AKAP7: variants seen among roughly 807,000 people sequenced by gnomAD.
The protein encoded by AKAP7 is A kinase (PRKA) anchor protein 7.
Under a neutral mutation model 39.5 loss-of-function variants are expected in AKAP7, and 39 were observed. The observed-to-expected ratio is 0.99, with a 90% CI of 0.76 to 1.29. The LOEUF is 1.29. Ranked by LOEUF, AKAP7 falls within the 50% of genes most tolerant of loss-of-function variation. AKAP7 has a pLI of 0.00. For synonymous variants in AKAP7, 140 were observed against 139.1 expected, an observed-to-expected ratio of 1.01 and a Z score of -0.05; for missense variants, 414 against 407.7, an observed-to-expected ratio of 1.02 and a Z score of -0.13.
At chr6:131,145,260 T>G in intron 1 of AKAP7, 25 bp from the exon 2 acceptor site, 1 of 1,360,274 alleles carries the variant, frequency 7.4e-7, no homozygotes, top group Non-Finnish European at 9.7e-7. Flanking sequence ...ATAATCCTTT[T>G]TTTTCTGTTT....
chr6:131,187,048 G>T (rs546072295), intron 5 of AKAP7, among the ~76,000 whole-genome samples: 1 of 152,274 alleles, frequency 6.6e-6, no homozygotes, highest in South Asian at 2.1e-4. Context: ...GAAATCAGAA[G>T]TGTAAAATCT....
chr6:131,255,915 A>G (rs1812806849), intron 7 of AKAP7, among the ~76,000 whole-genome samples: 1 of 152,030 alleles, frequency 6.6e-6, no homozygotes. Flanking sequence ...CTCTTAATTT[A>G]TTTAATGTTT....
Position 131,219,699 on chromosome 6 carries a change from T to C in AKAP7, c.741T>C (p.Phe247=). ...KKIDPDLYEK[F]ISHRFGEEIL... ...TAGATCCTGATTTATATGAAAAGTT[T>C]ATCAGTCACAGATTTGGAGAAGAAA... Residue 247 remains phenylalanine, a synonymous_variant, in exon 7 of 8, where the codon TTT becomes TTC. Transcript: ENST00000431975. The C allele has an allele frequency of 5.6e-6, 9 of 1,596,140 alleles. No individual in the cohort carries two copies. Among genetic ancestry groups the C allele is most frequent in the Non-Finnish European group, 7.7e-6 (9 of 1,172,078 alleles).
intron 5 of AKAP7, among the ~76,000 whole-genome samples, chr6:131,191,252 A>G (rs976204513): frequency 2.0e-5 from 3 of 152,226 alleles, no homozygotes; most frequent in African/African-American, 7.2e-5. Flanking sequence ...ACAGTTTTGT[A>G]TGATTCAGCC....
chr6:131,229,928 T>A (rs1810500286), intron 7 of AKAP7, among the ~76,000 whole-genome samples: 1 of 152,178 alleles, frequency 6.6e-6, no homozygotes, highest in Non-Finnish European at 1.5e-5. Context: ...GGTTTTGTTC[T>A]TTTTTATGTC....
rs569608169 is a variant in AKAP7 at position 131,281,949 on chromosome 6, A to G, written c.*223A>G. ...GAGGAAATTAATTGATGAAAGAAGA[A>G]TGGCCCAAGTTTCATTCGCCCTCAG... On this transcript the variant is annotated 3_prime_UTR_variant, in exon 8 of 8. Transcript: ENST00000431975. The surrounding 1 kb of genome is among the most constrained non-coding windows in gnomAD (Gnocchi z 4.0). The G allele has an allele frequency of 8.2e-7, 1 of 1,217,900 alleles. No individual in the cohort carries two copies. The highest frequency in any genetic ancestry group is 1.6e-5 in the African/African-American group (1 of 64,008). The allele number at this position is 1,217,900 out of a possible 1,614,324, so 75.4% of individuals were successfully genotyped here.
upstream of AKAP7, among the ~76,000 whole-genome samples, chr6:131,133,829 T>C (rs78701379): frequency 0.024 from 3,675 of 152,260 alleles, 173 homozygotes; most frequent in African/African-American, 0.084. Context: ...ATTTTAACGA[T>C]GATAAAGTGT....
chr6:131,207,234 G>A (rs999090116), intron 6 of AKAP7, among the ~76,000 whole-genome samples: 2 of 148,114 alleles, frequency 1.4e-5, no homozygotes, highest in Middle Eastern at 3.4e-3. Context: ...TAGGAAGATA[G>A]GGGCAATTTA....
At chr6:131,208,793 A>G (rs916075916) in intron 6 of AKAP7, among the ~76,000 whole-genome samples, 1 of 152,114 alleles carries the variant, frequency 6.6e-6, no homozygotes, top group African/African-American at 2.4e-5. Context: ...TCTGCTCCAC[A>G]TTGTCTTTAC....
intron 2 of AKAP7, among the ~76,000 whole-genome samples, chr6:131,148,106 A>AG (rs1343188995): frequency 6.6e-6 from 1 of 152,184 alleles, no homozygotes; most frequent in Non-Finnish European, 1.5e-5. Flanking sequence ...TGTGCATTGG[A>AG]GGGATGGCCA....
intron 7 of AKAP7, among the ~76,000 whole-genome samples, chr6:131,236,001 T>A (rs1811021992): frequency 6.6e-6 from 1 of 152,200 alleles, no homozygotes; most frequent in South Asian, 2.1e-4. Flanking sequence ...CTGAATGGTA[T>A]TGCCTACGTT....
At chr6:131,266,397 A>G (rs951443615) in intron 7 of AKAP7, among the ~76,000 whole-genome samples, 2 of 152,172 alleles carry the variant, frequency 1.3e-5, no homozygotes, top group African/African-American at 4.8e-5. Context: ...TGATGGGTCA[A>G]ATTAATTTAT....
intron 5 of AKAP7, among the ~76,000 whole-genome samples, chr6:131,181,764 G>A (rs1038751147): frequency 1.4e-4 from 21 of 152,048 alleles, no homozygotes; most frequent in African/African-American, 4.3e-4. Flanking sequence ...CTTAGTTGAC[G>A]CTGCTGCCAT....
chr6:131,186,749 G>A (rs1447195514), intron 5 of AKAP7, among the ~76,000 whole-genome samples: 1 of 152,114 alleles, frequency 6.6e-6, no homozygotes, highest in Non-Finnish European at 1.5e-5. Flanking sequence ...AAAGACAAAA[G>A]ACAAAAGTGA....
At chr6:131,151,244 TG>T (rs1291453896) in intron 2 of AKAP7, among the ~76,000 whole-genome samples, 18 of 151,706 alleles carry the variant, frequency 1.2e-4, no homozygotes, top group Admixed American at 7.9e-4. Context: ...GGTTTCATCA[TG>T]TTGGTCAGGC....
intron 5 of AKAP7, chr6:131,185,576 AT>A (rs1320920532): frequency 5.9e-6 from 1 of 169,376 alleles, no homozygotes; most frequent in African/African-American, 2.4e-5. Flanking sequence ...TTCCTTGATG[AT>A]TAGTGATGTT....
chr6:131,248,596 A>G (rs78622236), intron 7 of AKAP7, among the ~76,000 whole-genome samples: 4,136 of 152,240 alleles, frequency 0.027, 129 homozygotes, highest in African/African-American at 0.074. Flanking sequence ...TTGGGTGAAG[A>G]AACTGAGGTC....
At chr6:131,250,677 C>T in intron 7 of AKAP7, 1 of 1,560,686 alleles carries the variant, frequency 6.4e-7, no homozygotes, top group Non-Finnish European at 8.8e-7. Flanking sequence ...CGGTTGTCTT[C>T]TAGGGGTAGT....
chr6:131,128,495 C>T, the AKAP7 span, among the ~76,000 whole-genome samples: 1 of 152,062 alleles, frequency 6.6e-6, no homozygotes. Context: ...AATCTATTAC[C>T]TATCACACCT....
Sources: allele counts gnomAD v4.1 joint callset (sites outside exome capture counted in the v4.1 genomes callset), GRCh38; gene constraint gnomAD v4.1.1; non-coding constraint Gnocchi (gnomAD v3.1); transcripts MANE v1.5; gene names NCBI Gene and HGNC (gene_info 2026-07-23, HGNC 2026-07-21).